The following HNRNPH2 variants were observed in gnomAD, a reference collection of about 807,000 sequenced individuals.
The protein encoded by HNRNPH2 is FTP-3.
For synonymous variants in HNRNPH2, 128 were observed against 128.2 expected (o/e 1.00, Z 0.01); for missense variants, 115 against 352.9 (o/e 0.33, Z 5.40).
Position 101,412,398 on chromosome X carries a change from T to C in HNRNPH2, c.410T>C (p.Val137Ala). The C allele has an allele frequency of 8.3e-7, 1 of 1,212,009 alleles. No homozygotes were observed. The highest frequency in any genetic ancestry group is 1.1e-6 in the Non-Finnish European group (1 of 895,415). ...CAGTTCTTTTCAGGGTTGGAAATTG[T>C]GCCAAATGGGATGACACTGCCAGTG... ...IVQFFSGLEI[V>A]PNGMTLPVDF... Residue 137 changes from valine (V) to alanine (A), a missense_variant, in exon 2 of 2, where the codon GTG becomes GCG. Transcript: ENST00000316594.
In HNRNPH2 at chrX:101,412,582, T is replaced by A; in HGVS notation, c.594T>A (p.Pro198=). ...AAGTTCGAACCCACTATGATCCCCC[T>A]CGAAAGCTCATGGCTATGCAGCGGC... ...RAEVRTHYDP[P]RKLMAMQRPG... Residue 198 remains proline (P), a synonymous_variant, in exon 2 of 2, where the codon CCT becomes CCA. Coordinates refer to ENST00000316594, the MANE Select transcript of HNRNPH2 (RefSeq NM_019597.5). 1 of 1,211,617 alleles carries A rather than the reference T, an allele frequency of 8.3e-7. No individual in the cohort carries two copies. The highest frequency in any genetic ancestry group is 1.1e-6 in the Non-Finnish European group (1 of 895,418).
chrX:101,413,456 T>C lies in HNRNPH2; in HGVS notation c.*118T>C. 1.7e-6 allele frequency: 1 copy of C among 580,764 alleles called. No individual in the cohort carries two copies. Among genetic ancestry groups the C allele is most frequent in the Non-Finnish European group, 2.7e-6 (1 of 367,136 alleles). 47.9% of individuals were successfully genotyped at this position (580,764 alleles called of 1,213,427 possible). On this transcript the variant is annotated 3_prime_UTR_variant, in exon 2 of 2. Transcript: ENST00000316594. Reference sequence around the variant, plus strand: ...TATGATTGGTAAATGGGAAATATAATTGATTCTGATCACTCTTGGTCAGCT... The same window carrying C: ...TATGATTGGTAAATGGGAAATATAACTGATTCTGATCACTCTTGGTCAGCT...
In HNRNPH2 at chrX:101,413,449, A is replaced by C; in HGVS notation, c.*111A>C. ...TATCCAGTATGATTGGTAAATGGGA[A>C]ATATAATTGATTCTGATCACTCTTG... On this transcript the variant is annotated 3_prime_UTR_variant, in exon 2 of 2. Transcript: ENST00000316594. 1 of 606,170 alleles carries C rather than the reference A, an allele frequency of 1.6e-6. No individual in the cohort carries two copies. Among genetic ancestry groups the C allele is most frequent in the Non-Finnish European group, 2.6e-6 (1 of 389,086 alleles). The allele number at this position is 606,170 out of a possible 1,213,427, so 50.0% of individuals were successfully genotyped here.
chrX:101,412,308 C>G lies in HNRNPH2; in HGVS notation c.320C>G (p.Thr107Ser). The change falls in exon 2 of 2, where the codon ACT (threonine) becomes AGT (serine). Residue 107 changes from threonine (T) to serine (S), a missense_variant. By Grantham distance (58) the Thr-to-Ser change is moderately conservative. Coordinates refer to ENST00000316594, the MANE Select transcript of HNRNPH2 (RefSeq NM_019597.5). Reference sequence around the variant, plus strand: ...CATACAGGTCCGAATAGCCCTGATACTGCCAACGATGGCTTCGTCCGGCTT... The same window carrying G: ...CATACAGGTCCGAATAGCCCTGATAGTGCCAACGATGGCTTCGTCCGGCTT... ...LKHTGPNSPD[T>S]ANDGFVRLRG... 8.3e-7 allele frequency: 1 copy of G among 1,210,968 alleles called. No individual in the cohort carries two copies. The highest frequency in any genetic ancestry group is 1.1e-6 in the Non-Finnish European group (1 of 894,764).
In HNRNPH2 at chrX:101,412,762, T is replaced by C. The variant is rs1180026701; in HGVS notation, c.774T>C (p.Asp258=). Residue 258 remains aspartate, a synonymous_variant, in exon 2 of 2, where the codon GAT becomes GAC. Coordinates refer to ENST00000316594, the MANE Select transcript of HNRNPH2 (RefSeq NM_019597.5). ...ATGATGGATATGGCTTTGGGTCTGA[T>C]AGATTTGGAAGAGACCTCAATTACT... ...GYNDGYGFGS[D]RFGRDLNYCF... is the part of the protein sequence containing the mutation. The C allele has an allele frequency of 8.3e-7, 1 of 1,210,334 alleles. No individual in the cohort carries two copies. Among genetic ancestry groups the C allele is most frequent in the Non-Finnish European group, 1.1e-6 (1 of 894,257 alleles).
chrX:101,410,786 G>A (rs1209484065), intron 1 of HNRNPH2, among the ~76,000 whole-genome samples: 3 of 111,569 alleles, frequency 2.7e-5, no homozygotes, highest in Non-Finnish European at 5.6e-5. Flanking sequence ...CTTAAAAGGC[G>A]CTTAGTGTTT....
rs782021471 is a variant in HNRNPH2, at chrX:101,414,034, G to T, written c.*696G>T. Reference sequence around the variant, plus strand: ...CGTGTCGTTTGTATGAAAATCTGAGGCTTTGGTTTAAATCTTTCCTTGTAT... The same window carrying T: ...CGTGTCGTTTGTATGAAAATCTGAGTCTTTGGTTTAAATCTTTCCTTGTAT... On this transcript the variant is annotated 3_prime_UTR_variant, in exon 2 of 2. Coordinates refer to ENST00000316594, the MANE Select transcript of HNRNPH2 (RefSeq NM_019597.5). The T allele has an allele frequency of 3.3e-5, 4 of 120,985 alleles. No individual in the cohort carries two copies. In the Admixed American group the frequency reaches 3.9e-4, roughly 12 times the overall value. 10.0% of individuals were successfully genotyped at this position (120,985 alleles called of 1,213,427 possible).
At chrX:101,411,453 T>G (rs1448703357) in intron 1 of HNRNPH2, among the ~76,000 whole-genome samples, 1 of 94,395 alleles carries the variant, frequency 1.1e-5, no homozygotes, top group Non-Finnish European at 2.1e-5. Context: ...TTTGCTCTGG[T>G]CGCTGAGGCT....
chrX:101,410,449 C>T (rs1928748425), intron 1 of HNRNPH2, among the ~76,000 whole-genome samples: 1 of 112,132 alleles, frequency 8.9e-6, no homozygotes, highest in Non-Finnish European at 1.9e-5. Flanking sequence ...ACGATTAGTT[C>T]TGATTTTAAC....
Position 101,411,950 on chromosome X carries a change from C to A in HNRNPH2, c.-39C>A. ...TTTTTTTTCAGCTACACCAAAATTG[C>A]ATTGAGCCAAACTTGCCACCAAGAG... On this transcript the variant is annotated 5_prime_UTR_variant, in exon 2 of 2. Transcript: ENST00000316594. 1 of 1,136,619 alleles carries A rather than the reference C, an allele frequency of 8.8e-7. No homozygotes were observed. The highest frequency in any genetic ancestry group is 1.2e-6 in the Non-Finnish European group (1 of 861,993). The allele number at this position is 1,136,619 out of a possible 1,213,427, so 93.7% of individuals were successfully genotyped here.
Position 101,413,004 on chromosome X carries a change from A to T in HNRNPH2, c.1016A>T (p.Glu339Val). ...GCAGATGTTGAATTTGCTACTCATG[A>T]AGATGCTGTGGCAGCTATGGCAAAA... ...GEADVEFATHEDAVAAMAKDK... is the reference protein window; with the variant it reads ...GEADVEFATHVDAVAAMAKDK... The change falls in exon 2 of 2, where the codon GAA (glutamate) becomes GTA (valine). Residue 339 changes from glutamate (E) to valine (V), a missense_variant. Physicochemically the swap from Glu to Val is moderately radical, Grantham distance 121 (BLOSUM62 -2). Transcript: ENST00000316594. 2 of 1,210,781 alleles carry T rather than the reference A, an allele frequency of 1.7e-6. No individual in the cohort carries two copies. The highest frequency in any genetic ancestry group is 2.2e-6 in the Non-Finnish European group (2 of 894,451).
chrX:101,411,893 G>A (rs1555988222), intron 1 of HNRNPH2, 43 bp from the exon 2 acceptor site: 4 of 1,115,521 alleles, frequency 3.6e-6, no homozygotes, highest in East Asian at 3.1e-5. Context: ...ACTATATCAC[G>A]AGCATTTTTC....
At chrX:101,409,811 T>C (rs1312740852) in intron 1 of HNRNPH2, among the ~76,000 whole-genome samples, 1 of 112,157 alleles carries the variant, frequency 8.9e-6, no homozygotes, top group African/African-American at 3.2e-5. Context: ...TTCTTTTATT[T>C]AATGTATTTT....
intron 1 of HNRNPH2, among the ~76,000 whole-genome samples, chrX:101,410,650 C>T (rs1341147294): frequency 1.8e-5 from 2 of 111,616 alleles, no homozygotes; most frequent in Non-Finnish European, 1.9e-5. Flanking sequence ...ATTTATGAGA[C>T]AAGTTCTAAC....
intron 1 of HNRNPH2, among the ~76,000 whole-genome samples, chrX:101,411,585 T>C (rs1166693052): frequency 1.8e-5 from 2 of 108,561 alleles, no homozygotes; most frequent in East Asian, 5.7e-4. Flanking sequence ...AGCCAATTTT[T>C]TGTATTTTTA....
chrX:101,409,728 A>C (rs1415572846), intron 1 of HNRNPH2, among the ~76,000 whole-genome samples: 1 of 110,991 alleles, frequency 9.0e-6, no homozygotes, highest in Non-Finnish European at 1.9e-5. Flanking sequence ...TTGCTTCCAG[A>C]TCTTTTATTT....
intron 1 of HNRNPH2, among the ~76,000 whole-genome samples, chrX:101,410,525 A>G (rs1412832686): frequency 8.9e-6 from 1 of 112,344 alleles, no homozygotes; most frequent in Non-Finnish European, 1.9e-5. Flanking sequence ...CTATACCTGT[A>G]TTCTCTCATA....
chrX:101,410,798 T>A (rs1246863616), intron 1 of HNRNPH2, among the ~76,000 whole-genome samples: 1 of 111,828 alleles, frequency 8.9e-6, no homozygotes, highest in East Asian at 2.8e-4. Context: ...TTAGTGTTTG[T>A]ATATCAAAGT....
chrX:101,412,115 A>G lies in HNRNPH2; in HGVS notation c.127A>G (p.Ile43Val). The G allele has an allele frequency of 8.3e-7, 1 of 1,211,640 alleles. No homozygotes were observed. Among genetic ancestry groups the G allele is most frequent in the East Asian group, 3.0e-5 (1 of 33,833 alleles). The change falls in exon 2 of 2, where the codon ATT (isoleucine) becomes GTT (valine). Residue 43 changes from isoleucine (I) to valine (V), a missense_variant. Coordinates refer to ENST00000316594, the MANE Select transcript of HNRNPH2 (RefSeq NM_019597.5). ...DCKIQNGTSGIRFIYTREGRP... is the reference protein window; with the variant it reads ...DCKIQNGTSGVRFIYTREGRP... The stretch of plus-strand genomic sequence containing the variant: ...CAAGATCCAAAATGGCACATCAGGT[A>G]TTCGTTTCATCTACACCAGAGAAGG...
Sources: allele counts gnomAD v4.1 joint callset (sites outside exome capture counted in the v4.1 genomes callset), GRCh38; gene constraint gnomAD v4.1.1; transcripts MANE v1.5; gene names NCBI Gene and HGNC (gene_info 2026-07-23, HGNC 2026-07-21).